DHRSX: variants seen among roughly 807,000 people sequenced by gnomAD.
DHRSX encodes the protein dehydrogenase/reductase X-linked.
A neutral mutation model predicts 34.0 loss-of-function variants in DHRSX; 31 were observed. That is an observed-to-expected ratio of 0.91 (90% CI 0.69 to 1.23). The LOEUF (loss-of-function observed/expected upper bound fraction) is 1.23. Ranked by LOEUF, DHRSX falls within the 50% of genes most tolerant of loss-of-function variation. DHRSX has a pLI of 0.00. For missense variants in DHRSX, 414 were observed against 428.1 expected (o/e 0.97, Z 0.29); for synonymous variants, 201 against 183.8 (o/e 1.09, Z -0.76).
intron 3 of DHRSX, among the ~76,000 whole-genome samples, chrX:2,363,200 G>A (rs2042955429): frequency 8.5e-6 from 1 of 117,610 alleles, no homozygotes; most frequent in Admixed American, 8.5e-5. Context: ...ATGGTATCAT[G>A]CCGCCATTTT....
rs1439203260 is a variant in DHRSX at position 2,371,155 on chromosome X, A to ATTACCGTAGTCCCTCCTTCCG, written c.286+37569_286+37589dup. Among the ~76,000 whole-genome samples, 7 of 147,452 alleles carry ATTACCGTAGTCCCTCCTTCCG rather than the reference A, an allele frequency of 4.7e-5. 1 individual carries two copies. In the South Asian group the frequency reaches 8.7e-4, roughly 18 times the overall value. On this transcript the variant is annotated intron_variant, in intron 3 of 6. Coordinates refer to ENST00000334651, the MANE Select transcript of DHRSX (RefSeq NM_145177.3). ...CCATTACCATAGTCCCCCCTCCTCC[A>ATTACCGTAGTCCCTCCTTCCG]TTACCGTAGTCCCTCCTTCCGTTAC...
Position 2,485,431 on chromosome X carries a change from C to T in DHRSX, c.109+15386G>A, listed in dbSNP as rs752709958. 1.1e-4 allele frequency among the ~76,000 whole-genome samples: 17 copies of T among 149,572 alleles called. No homozygotes were observed. In the East Asian group the frequency reaches 2.2e-3, roughly 19 times the overall value. On this transcript the variant is annotated intron_variant, in intron 1 of 6. Transcript: ENST00000334651. ...CAAGTCTGGGCAGAGGTGCACATCC[C>T]GGCCTTCCTGTGTTTCTTGGGGGCC...
chrX:2,437,203 G>C (rs1415034916), intron 1 of DHRSX, among the ~76,000 whole-genome samples: 1 of 152,038 alleles, frequency 6.6e-6, no homozygotes, highest in Admixed American at 6.6e-5. Context: ...GTTTCACCGT[G>C]TTAGCCAGGA....
intron 1 of DHRSX, among the ~76,000 whole-genome samples, chrX:2,485,798 AGAAG>A (rs1391650152): frequency 1.0e-4 from 3 of 29,020 alleles, no homozygotes; most frequent in African/African-American, 1.4e-4. Flanking sequence ...GAGAAGGGAG[AGAAG>A]GAAGGAAGGG....
chrX:2,394,568 G>A (rs752968904), intron 3 of DHRSX, among the ~76,000 whole-genome samples: 3 of 152,132 alleles, frequency 2.0e-5, no homozygotes, highest in African/African-American at 7.2e-5. Context: ...TACAGATGAG[G>A]ATAAGAGTTG....
At chrX:2,490,760 G>C in intron 1 of DHRSX, 1 of 1,588,728 alleles carries the variant, frequency 6.3e-7, no homozygotes, top group Non-Finnish European at 8.6e-7. Context: ...GGCTGCTCAT[G>C]CGTGGGGACC....
intron 6 of DHRSX, among the ~76,000 whole-genome samples, chrX:2,222,911 G>A (rs1024039943): frequency 1.3e-5 from 2 of 152,210 alleles, no homozygotes; most frequent in Admixed American, 6.5e-5. Flanking sequence ...TGCCGAGCAA[G>A]GGGAACAGGA....
chrX:2,397,629 C>T (rs973558135), intron 3 of DHRSX, among the ~76,000 whole-genome samples: 3 of 92,978 alleles, frequency 3.2e-5, no homozygotes, highest in African/African-American at 1.8e-4. Context: ...CCTCCACTGA[C>T]AGAGACATTT....
At chrX:2,446,782 G>T (rs2044143472) in intron 1 of DHRSX, among the ~76,000 whole-genome samples, 1 of 151,824 alleles carries the variant, frequency 6.6e-6, no homozygotes, top group Non-Finnish European at 1.5e-5. Context: ...TGTGGACAAG[G>T]GACTGCCACT....
intron 2 of DHRSX, among the ~76,000 whole-genome samples, chrX:2,410,719 G>C (rs5939199): frequency 0.21 from 31,858 of 152,144 alleles, 3,666 homozygotes; most frequent in African/African-American, 0.28. Context: ...TCAGCAAAGA[G>C]TGAAAAAATA....
chrX:2,322,378 G>A (rs147766426), intron 3 of DHRSX, among the ~76,000 whole-genome samples: 4,810 of 151,754 alleles, frequency 0.032, 211 homozygotes, highest in African/African-American at 0.095. Flanking sequence ...GTGAAACCCT[G>A]TCTCTACTAA....
At chrX:2,314,263 TGAAGGAGGGAATGAGGGAGG>T (rs1362603545) in intron 3 of DHRSX, among the ~76,000 whole-genome samples, 19 of 4,966 alleles carry the variant, frequency 3.8e-3, no homozygotes, top group Non-Finnish European at 4.8e-3. Flanking sequence ...AAGGAGGGAA[TGAAGGAGGGAATGAGGGAGG>T]GAAGGAGGGA....
At chrX:2,446,574 T>C (rs1385905953) in intron 1 of DHRSX, among the ~76,000 whole-genome samples, 1 of 151,674 alleles carries the variant, frequency 6.6e-6, no homozygotes, top group Non-Finnish European at 1.5e-5. Context: ...TCCCTAAGAA[T>C]GCGGCCAAGG....
At chrX:2,351,737 C>T (rs1205283457) in intron 3 of DHRSX, among the ~76,000 whole-genome samples, 4 of 152,100 alleles carry the variant, frequency 2.6e-5, no homozygotes, top group Non-Finnish European at 5.9e-5. Flanking sequence ...AGACTGAGAG[C>T]CCTCCCTGCC....
rs147675869 is a variant in DHRSX at position 2,361,443 on chromosome X, T to C, written c.286+47302A>G. ...TAAAATGTTATCAGTAATGCTATAA[T>C]GATCATCATAACTTATGGTAGGTAC... On this transcript the variant is annotated intron_variant, in intron 3 of 6. Coordinates refer to ENST00000334651, the MANE Select transcript of DHRSX (RefSeq NM_145177.3). 1.2e-4 allele frequency among the ~76,000 whole-genome samples: 18 copies of C among 152,262 alleles called. 1 individual carries two copies. The East Asian group carries it at 3.5e-3, about 29-fold the overall frequency.
chrX:2,426,798 T>C (rs2043856158), intron 1 of DHRSX, among the ~76,000 whole-genome samples: 1 of 150,718 alleles, frequency 6.6e-6, no homozygotes, highest in South Asian at 2.1e-4. Flanking sequence ...ACTCTTTCCT[T>C]CCTTCTTTCC....
chrX:2,232,580 T>C (rs759234102), intron 6 of DHRSX, among the ~76,000 whole-genome samples: 1 of 152,024 alleles, frequency 6.6e-6, no homozygotes, highest in African/African-American at 2.4e-5. Context: ...CATTTTTTTT[T>C]ATTTTTTATT....
At chrX:2,356,726 A>C (rs2042857870) in intron 3 of DHRSX, among the ~76,000 whole-genome samples, 1 of 152,100 alleles carries the variant, frequency 6.6e-6, no homozygotes, top group Non-Finnish European at 1.5e-5. Context: ...GAGGATGAAG[A>C]CCTCGGGGAT....
chrX:2,452,946 C>T (rs1370665850), intron 1 of DHRSX, among the ~76,000 whole-genome samples: 2 of 152,198 alleles, frequency 1.3e-5, no homozygotes, highest in Non-Finnish European at 2.9e-5. Flanking sequence ...CAGCACTACT[C>T]AGTTTCCAAG....
Sources: gnomAD v4.1 joint callset for allele counts (sites outside exome capture counted in the v4.1 genomes callset) on GRCh38, gnomAD v4.1.1 for gene constraint, MANE v1.5 for transcripts, NCBI Gene and HGNC (gene_info 2026-07-23, HGNC 2026-07-21) for gene names.